The following CSMD1 variants were observed in gnomAD, a reference collection of about 807,000 sequenced individuals.
CSMD1 encodes CUB and Sushi multiple domains 1.
A neutral mutation model predicts 417.5 loss-of-function variants in CSMD1; 213 were observed. The ratio of observed to expected loss-of-function variants is 0.51; its 90% CI spans 0.46 to 0.57. CSMD1 has a LOEUF of 0.57. CSMD1 is among the 20% of genes least tolerant of loss of function. CSMD1 has a pLI of 0.00. For missense variants in CSMD1, 6,923 were observed against 4,529.7 expected (o/e 1.53, Z -15.17); for synonymous variants, 2,862 against 1,736.8 (o/e 1.65, Z -16.11).
intron 3 of CSMD1, among the ~76,000 whole-genome samples, chr8:4,417,394 A>G (rs573233855): frequency 6.6e-6 from 1 of 151,988 alleles, no homozygotes; most frequent in East Asian, 1.9e-4. Context: ...TTTATTCCCA[A>G]GGTTATCATG....
intron 1 of CSMD1, among the ~76,000 whole-genome samples, chr8:4,986,386 T>G (rs938316842): frequency 6.6e-6 from 1 of 152,184 alleles, no homozygotes; most frequent in Non-Finnish European, 1.5e-5. Context: ...TGAAGACACT[T>G]TCTGTTAAAA....
chr8:4,601,834 T>C (rs1382592056), intron 2 of CSMD1, among the ~76,000 whole-genome samples: 2 of 152,196 alleles, frequency 1.3e-5, no homozygotes, highest in African/African-American at 4.8e-5. Context: ...GAGGTTAGCG[T>C]GCATCTTTCA....
intron 5 of CSMD1, among the ~76,000 whole-genome samples, chr8:3,959,719 T>C (rs1812195143): frequency 6.6e-6 from 1 of 152,192 alleles, no homozygotes; most frequent in African/African-American, 2.4e-5. Context: ...GAACACAGAA[T>C]GTTTTGAAAC....
chr8:4,052,919 G>C (rs2740888), intron 3 of CSMD1, among the ~76,000 whole-genome samples: 1 of 152,012 alleles, frequency 6.6e-6, no homozygotes, highest in African/African-American at 2.4e-5. Flanking sequence ...TGAACTAGGC[G>C]CAGAGAGAAG....
intron 3 of CSMD1, among the ~76,000 whole-genome samples, chr8:4,086,204 A>G (rs1237686113): frequency 1.3e-5 from 2 of 152,210 alleles, no homozygotes; most frequent in African/African-American, 4.8e-5. Flanking sequence ...TTACAGCTAC[A>G]AAGTATCACA....
chr8:3,507,584 A>T lies in CSMD1; in HGVS notation c.1345-13858T>A, dbSNP rs983108446. 2.6e-5 allele frequency among the ~76,000 whole-genome samples: 4 copies of T among 152,138 alleles called. No homozygotes were observed. In the East Asian group the frequency reaches 7.7e-4, roughly 29 times the overall value. ...AGATCCCTGAGGAATCGCCACACTG[A>T]CTTCCACAATGGTTGAACTAGTTTA... On this transcript the variant is annotated intron_variant, in intron 10 of 69. Coordinates refer to ENST00000635120, the MANE Select transcript of CSMD1 (RefSeq NM_033225.6).
intron 1 of CSMD1, among the ~76,000 whole-genome samples, chr8:4,843,770 G>T (rs905284981): frequency 2.0e-5 from 3 of 152,190 alleles, no homozygotes; most frequent in African/African-American, 7.2e-5. Flanking sequence ...AGAGGTCTCT[G>T]GAACGTATCC....
chr8:3,531,987 G>T (rs970389786), intron 10 of CSMD1, among the ~76,000 whole-genome samples: 1 of 152,180 alleles, frequency 6.6e-6, no homozygotes, highest in African/African-American at 2.4e-5. Flanking sequence ...GGATCCCACA[G>T]ATTCATGCCC....
intron 1 of CSMD1, among the ~76,000 whole-genome samples, chr8:4,663,027 T>C (rs1003399350): frequency 1.3e-5 from 2 of 152,278 alleles, no homozygotes; most frequent in African/African-American, 4.8e-5. Flanking sequence ...CCCTGAAAAA[T>C]CTCTGTTCCA....
At chr8:3,586,676 G>C (rs1800615460) in intron 8 of CSMD1, among the ~76,000 whole-genome samples, 1 of 152,094 alleles carries the variant, frequency 6.6e-6, no homozygotes, top group African/African-American at 2.4e-5. Flanking sequence ...AAAAAGTCTA[G>C]GTTAAGAAAA....
At chr8:3,724,507 G>T (rs1295992336) in intron 6 of CSMD1, among the ~76,000 whole-genome samples, 1 of 151,890 alleles carries the variant, frequency 6.6e-6, no homozygotes, top group African/African-American at 2.4e-5. Flanking sequence ...AAATGAAGCT[G>T]TTTGGGATTT....
chr8:4,453,814 CTTTTTTTTTT>C (rs60422486), intron 2 of CSMD1, among the ~76,000 whole-genome samples: 4 of 67,726 alleles, frequency 5.9e-5, no homozygotes, highest in Admixed American at 2.5e-4. Flanking sequence ...CAATTCGTTT[CTTTTTTTTTT>C]TTTTTTTTTT....
chr8:3,555,123 G>A (rs1158159976), intron 10 of CSMD1, among the ~76,000 whole-genome samples: 3 of 151,926 alleles, frequency 2.0e-5, no homozygotes, highest in Admixed American at 6.6e-5. Flanking sequence ...CCTGGCAGGC[G>A]CTATTAAATT....
intron 3 of CSMD1, among the ~76,000 whole-genome samples, chr8:4,398,953 T>G (rs987078516): frequency 6.6e-6 from 1 of 152,220 alleles, no homozygotes; most frequent in African/African-American, 2.4e-5. Context: ...TTGAGAATGT[T>G]TTTTAAAAGC....
intron 3 of CSMD1, among the ~76,000 whole-genome samples, chr8:4,215,131 C>T (rs769241740): frequency 3.2e-4 from 49 of 152,228 alleles, no homozygotes; most frequent in Non-Finnish European, 5.0e-4. Context: ...CTCAGGGTGC[C>T]AACCTAGGGA....
At position 3,223,639 on chromosome 8, in the gene CSMD1, C is replaced by T. The variant is rs529311134; in HGVS notation, c.4484+90G>A. On this transcript the variant is annotated intron_variant, in intron 28 of 69. Transcript: ENST00000635120. ...AAATCTAGCACTTACCTAGATATAA[C>T]ATTAGAGACTATGAGGTCATAAAAG... 67 of 1,339,534 alleles carry T rather than the reference C, an allele frequency of 5.0e-5. No individual in the cohort carries two copies. In the South Asian group the frequency reaches 8.6e-4, roughly 17 times the overall value. 83.0% of individuals were successfully genotyped at this position (1,339,534 alleles called of 1,614,324 possible). A position where few individuals can be genotyped will look rare whatever the true frequency, so the allele number is the denominator to read the frequency against.
At chr8:4,395,423 A>G (rs1278981136) in intron 3 of CSMD1, among the ~76,000 whole-genome samples, 1 of 152,134 alleles carries the variant, frequency 6.6e-6, no homozygotes, top group Non-Finnish European at 1.5e-5. Context: ...GAATCATAAA[A>G]AAAACAAGAA....
chr8:4,991,713 G>C (rs1245611793), intron 1 of CSMD1, among the ~76,000 whole-genome samples: 1 of 152,158 alleles, frequency 6.6e-6, no homozygotes, highest in African/African-American at 2.4e-5. Context: ...CCCGACCTTG[G>C]TCACCCGGGC....
At chr8:4,219,955 A>C (rs1282151467) in intron 3 of CSMD1, among the ~76,000 whole-genome samples, 1 of 152,050 alleles carries the variant, frequency 6.6e-6, no homozygotes, top group African/African-American at 2.4e-5. Flanking sequence ...AAATTTTTTA[A>C]TGCTTTTTTT....
Sources: allele counts gnomAD v4.1 joint callset (sites outside exome capture counted in the v4.1 genomes callset), GRCh38; gene constraint gnomAD v4.1.1; transcripts MANE v1.5; gene names NCBI Gene and HGNC (gene_info 2026-07-23, HGNC 2026-07-21).